SFPQ: variants seen among roughly 807,000 people sequenced by gnomAD.
The protein encoded by SFPQ is splicing factor proline and glutamine rich.
Under a neutral mutation model 72.9 loss-of-function variants are expected in SFPQ, and 11 were observed. The observed-to-expected ratio is 0.15, with a 90% confidence interval of 0.09 to 0.25. The LOEUF is 0.25. SFPQ is among the 10% of genes least tolerant of loss of function. The pLI is 1.00. For missense variants in SFPQ, 847 were observed against 993.3 expected, an observed-to-expected ratio of 0.85 and a Z score of 1.98; for synonymous variants, 506 against 367.3, an observed-to-expected ratio of 1.38 and a Z score of -4.32.
At chr1:35,187,367 C>T in intron 7 of SFPQ, 116 bp from the exon 8 acceptor site, 2 of 950,234 alleles carry the variant, frequency 2.1e-6, no homozygotes, top group South Asian at 2.8e-5. Flanking sequence ...AAAAGTTCAT[C>T]ATGTGAATTA....
intron 5 of SFPQ, among the ~76,000 whole-genome samples, chr1:35,176,975 G>A (rs1639271505): frequency 6.6e-6 from 1 of 152,150 alleles, no homozygotes; most frequent in Non-Finnish European, 1.5e-5. Context: ...CAGCACTTTG[G>A]GAGGCCAAGG....
intron 9 of SFPQ, 148 bp from the exon 10 acceptor site, chr1:35,184,741 A>C: frequency 8.3e-7 from 1 of 1,201,426 alleles, no homozygotes. Flanking sequence ...AAAGGAAAAA[A>C]GGGTAATTTG....
chr1:35,190,430 A>G, intron 4 of SFPQ, 68 bp downstream of exon 4: 1 of 1,144,486 alleles, frequency 8.7e-7, no homozygotes, highest in Non-Finnish European at 1.3e-6. Context: ...AAAATTGGAA[A>G]ATCACTAAAA....
Position 35,192,946 on chromosome 1 carries a change from G to A in SFPQ, c.104C>T (p.Pro35Leu), listed in dbSNP as rs1366353958. Residue 35 changes from proline (P) to leucine (L), a missense_variant, in exon 1 of 10, where the codon CCG becomes CTG. Coordinates refer to ENST00000357214, the MANE Select transcript of SFPQ (RefSeq NM_005066.3). ...ATTCTGATTGAGGCCCATGCCGGGC[G>A]GCGGAGAACGGAAGTCGTGGAGGCC... is the stretch of plus-strand genomic sequence containing the variant. ...RGGLHDFRSPPPGMGLNQNRG... is the reference protein window; with the variant it reads ...RGGLHDFRSPLPGMGLNQNRG... The A allele has an allele frequency of 3.8e-6, 6 of 1,586,312 alleles. No homozygotes were observed. The highest frequency in any genetic ancestry group is 3.5e-5 in the Admixed American group (2 of 57,456).
In SFPQ at chr1:35,191,508, G is replaced by A. The variant is rs996489102; in HGVS notation, c.850C>T (p.Leu284Phe). The A allele has an allele frequency of 5.6e-6, 9 of 1,612,748 alleles. No homozygotes were observed. The highest frequency in any genetic ancestry group is 7.6e-6 in the Non-Finnish European group (9 of 1,179,730). Residue 284 changes from leucine (L) to phenylalanine (F), a missense_variant, in exon 2 of 10, where the codon CTC becomes TTC. Physicochemically the swap from Leu to Phe is conservative, Grantham distance 22 (BLOSUM62 0). Coordinates refer to ENST00000357214, the MANE Select transcript of SFPQ (RefSeq NM_005066.3). The stretch of plus-strand genomic sequence containing the variant: ...GTTTTCTCTCCAGGCCTCCTCAAGA[G>A]AGACAAATTGGCTTTAAACCCCTAA... ...DSEGFKANLS[L>F]LRRPGEKTYT...
At position 35,192,209 on chromosome 1, in the gene SFPQ, C is replaced by T; in HGVS notation, c.828+13G>A. 1 of 1,447,332 alleles carries T rather than the reference C, an allele frequency of 6.9e-7. No homozygotes were observed. Among genetic ancestry groups the T allele is most frequent in the Admixed American group, 2.8e-5 (1 of 36,120 alleles). The allele number at this position is 1,447,332 out of a possible 1,614,324, so 89.7% of individuals were successfully genotyped here. ...CTTAGGGGAGCCGACGCGTCGCTCC[C>T]ATAGACACTCACCTCCGAGTCCGAG... On this transcript the variant is annotated intron_variant, in intron 1 of 9. Transcript: ENST00000357214.
chr1:35,178,940 A>G, downstream of SFPQ: 1 of 1,050,586 alleles, frequency 9.5e-7, no homozygotes, highest in Non-Finnish European at 1.1e-6. Flanking sequence ...CAACGTTTTT[A>G]TGGTTAATGG....
Position 35,183,841 on chromosome 1 carries a change from G to A in SFPQ, c.*615C>T, listed in dbSNP as rs1467609013. On this transcript the variant is annotated 3_prime_UTR_variant, in exon 10 of 10. Coordinates refer to ENST00000357214, the MANE Select transcript of SFPQ (RefSeq NM_005066.3). ...TTCCACAATCTTAATACATATTCCT[G>A]AAGATTTACAGTTCAGCTTTGCTTA... 1 of 1,055,450 alleles carries A rather than the reference G, an allele frequency of 9.5e-7. No homozygotes were observed. Among genetic ancestry groups the A allele is most frequent in the African/African-American group, 1.7e-5 (1 of 60,584 alleles). 65.4% of individuals were successfully genotyped at this position (1,055,450 alleles called of 1,614,324 possible). A position where few individuals can be genotyped will look rare whatever the true frequency, so the allele number is the denominator to read the frequency against.
downstream of SFPQ, chr1:35,180,300 CA>C: frequency 1.9e-6 from 2 of 1,038,342 alleles, no homozygotes; most frequent in Non-Finnish European, 2.3e-6. Flanking sequence ...TCCTAAGCAA[CA>C]AAAGTTGTGC....
chr1:35,184,720 C>CG, intron 9 of SFPQ, 127 bp from the exon 10 acceptor site: 5 of 1,294,700 alleles, frequency 3.9e-6, no homozygotes, highest in Non-Finnish European at 5.0e-6. Context: ...CCACAGGTAC[C>CG]GGGAACATAG....
chr1:35,187,048 C>T lies in SFPQ; in HGVS notation c.1939G>A (p.Gly647Ser), dbSNP rs144271953. Reference sequence around the variant, plus strand: ...CCACTCATGGTTGCTGGTGGAACGCCAGGATTAGCTTCATAACCTATGCCA... The same window carrying T: ...CCACTCATGGTTGCTGGTGGAACGCTAGGATTAGCTTCATAACCTATGCCA... ...GGGIGYEANPGVPPATMSGSM... is the reference protein window; with the variant it reads ...GGGIGYEANPSVPPATMSGSM... The change falls in exon 9 of 10, where the codon GGC becomes AGC. Residue 647 changes from glycine to serine, a missense_variant. Gly to Ser is a moderately conservative substitution (Grantham distance 56, BLOSUM62 0). Coordinates refer to ENST00000357214, the MANE Select transcript of SFPQ (RefSeq NM_005066.3). 1 of 1,614,088 alleles carries T rather than the reference C, an allele frequency of 6.2e-7. No individual in the cohort carries two copies. The highest frequency in any genetic ancestry group is 2.2e-5 in the East Asian group (1 of 44,878).
intron 4 of SFPQ, 28 bp from the exon 5 acceptor site, chr1:35,189,410 A>AC: frequency 1.3e-6 from 2 of 1,569,712 alleles, no homozygotes; most frequent in Non-Finnish European, 1.8e-6. Context: ...TTTAACATGA[A>AC]CCGATTTGTG....
In SFPQ at chr1:35,192,328, G is replaced by T; in HGVS notation, c.722C>A (p.Pro241His). Residue 241 changes from proline (P) to histidine (H), a missense_variant, in exon 1 of 10, where the codon CCC becomes CAC. By Grantham distance (77) the Pro-to-His change is moderately conservative. Transcript: ENST00000357214. ...PKPPHRGGGE[P>H]RGGRQHHPPY... ...CGGGTGGTGCTGGCGGCCCCCGCGGGGCTCCCCGCCGCCTCGATGCGGCGG... is the reference window on the plus strand; with the variant it reads ...CGGGTGGTGCTGGCGGCCCCCGCGGTGCTCCCCGCCGCCTCGATGCGGCGG... 3 of 1,415,074 alleles carry T rather than the reference G, an allele frequency of 2.1e-6. No individual in the cohort carries two copies. The highest frequency in any genetic ancestry group is 2.7e-6 in the Non-Finnish European group (3 of 1,097,696). The allele number at this position is 1,415,074 out of a possible 1,614,324, so 87.7% of individuals were successfully genotyped here.
Position 35,188,890 on chromosome 1 carries a change from A to G in SFPQ, c.1697+113T>C, listed in dbSNP as rs555844405. ...GCAAGAGAATCGCTTGAACCCAGGA[A>G]GCGGAGGTTGTGGTGAGCTGAGACT... On this transcript the variant is annotated intron_variant, in intron 6 of 9. Coordinates refer to ENST00000357214, the MANE Select transcript of SFPQ (RefSeq NM_005066.3). The G allele has an allele frequency of 2.3e-5, 18 of 774,796 alleles. No homozygotes were observed. The Admixed American group carries it at 3.3e-4, about 14-fold the overall frequency. 48.0% of individuals were successfully genotyped at this position (774,796 alleles called of 1,614,324 possible). A position where few individuals can be genotyped will look rare whatever the true frequency, so the allele number is the denominator to read the frequency against.
In SFPQ at chr1:35,192,858, A is replaced by T; in HGVS notation, c.192T>A (p.Pro64=). 6.5e-7 allele frequency: 1 copy of T among 1,532,314 alleles called. No homozygotes were observed. The highest frequency in any genetic ancestry group is 1.2e-5 in the South Asian group (1 of 82,736). The allele number at this position is 1,532,314 out of a possible 1,614,324, so 94.9% of individuals were successfully genotyped here. The change falls in exon 1 of 10, where the codon CCT becomes CCA. Residue 64 remains proline, a synonymous_variant. Transcript: ENST00000357214. ...GTGGCTGTTGCTGCTGTTGGTGTGGAGGCGGTGGCGGGATCGGAGGCTTAG... is the reference window on the plus strand; with the variant it reads ...GTGGCTGTTGCTGCTGTTGGTGTGGTGGCGGTGGCGGGATCGGAGGCTTAG... ...SGPKPPIPPP[P]PHQQQQQPPP...
At position 35,188,122 on chromosome 1, in the gene SFPQ, T is replaced by C. The variant is rs375179432; in HGVS notation, c.1698-32A>G. The C allele has an allele frequency of 8.5e-5, 123 of 1,449,712 alleles. No individual in the cohort carries two copies. The African/African-American group carries it at 1.6e-3, about 19-fold the overall frequency. The allele number at this position is 1,449,712 out of a possible 1,614,324, so 89.8% of individuals were successfully genotyped here. On this transcript the variant is annotated intron_variant, in intron 6 of 9. Coordinates refer to ENST00000357214, the MANE Select transcript of SFPQ (RefSeq NM_005066.3). ...ATACCCATCAGGTACATAACTGAAG[T>C]GTTATCCACATCTTTTAGAATTCAA...
rs1639625832 is a variant in SFPQ at position 35,184,574 on chromosome 1, T to A, written c.2006A>T (p.Gln669Leu). 2 of 1,601,542 alleles carry A rather than the reference T, an allele frequency of 1.2e-6. No individual in the cohort carries two copies. Among genetic ancestry groups the A allele is most frequent in the Non-Finnish European group, 1.7e-6 (2 of 1,176,538 alleles). Residue 669 changes from glutamine (Q) to leucine (L), a missense_variant, in exon 10 of 10, where the codon CAG becomes CTG. Coordinates refer to ENST00000357214, the MANE Select transcript of SFPQ (RefSeq NM_005066.3). Reference protein sequence around the residue: ...GSDMRTERFGQGGAGPVGGQG... With the variant: ...GSDMRTERFGLGGAGPVGGQG... ...TCCACCCACAGGCCCCGCACCTCCC[T>A]GCCCAAAGCGCTCAGTACGCTATTG...
At chr1:35,185,759 A>G (rs1282323503) in intron 9 of SFPQ, among the ~76,000 whole-genome samples, 1 of 152,150 alleles carries the variant, frequency 6.6e-6, no homozygotes, top group South Asian at 2.1e-4. Context: ...AAAATCTTAT[A>G]AATTACAGGG....
At position 35,193,094 on chromosome 1, in the gene SFPQ, C is replaced by T. The variant is rs758697655; in HGVS notation, c.-45G>A. The stretch of plus-strand genomic sequence containing the variant: ...TCGAGGCAAAAGCGAAGAAGACGCT[C>T]AGGAAACGTGGAGGCCACCTTGCTT... On this transcript the variant is annotated 5_prime_UTR_variant, in exon 1 of 10. Coordinates refer to ENST00000357214, the MANE Select transcript of SFPQ (RefSeq NM_005066.3). The T allele has an allele frequency of 5.3e-6, 8 of 1,506,728 alleles. No homozygotes were observed. Among genetic ancestry groups the T allele is most frequent in the African/African-American group, 1.5e-5 (1 of 68,728 alleles). 93.3% of individuals were successfully genotyped at this position (1,506,728 alleles called of 1,614,324 possible). A position where few individuals can be genotyped will look rare whatever the true frequency, so the allele number is the denominator to read the frequency against.
Sources: gnomAD v4.1 joint callset for allele counts (sites outside exome capture counted in the v4.1 genomes callset) on GRCh38, gnomAD v4.1.1 for gene constraint, MANE v1.5 for transcripts, NCBI Gene and HGNC (gene_info 2026-07-23, HGNC 2026-07-21) for gene names.